Variants in PTPRQ observed in about 807,000 individuals in gnomAD.
PTPRQ encodes protein tyrosine phosphatase receptor type Q.
A neutral mutation model predicts 246.0 loss-of-function variants in PTPRQ; 199 were observed. The observed-to-expected ratio is 0.81, with a 90% CI of 0.72 to 0.91. The LOEUF (loss-of-function observed/expected upper bound fraction) is 0.91. PTPRQ is among the 40% of genes least tolerant of loss of function. PTPRQ has a pLI of 0.00. For synonymous variants in PTPRQ, 869 were observed against 853.2 expected, an observed-to-expected ratio of 1.02 and a Z score of -0.32; for missense variants, 2,624 against 2,528.4, an observed-to-expected ratio of 1.04 and a Z score of -0.81.
chr12:80,550,582 C>T (rs778552062), intron 25 of PTPRQ, among the ~76,000 whole-genome samples: 8 of 152,220 alleles, frequency 5.3e-5, no homozygotes, highest in Non-Finnish European at 1.0e-4. Context: ...TTCAACAACA[C>T]CATCTCTTTG....
chr12:80,519,828 A>C (rs1202787015), intron 17 of PTPRQ, among the ~76,000 whole-genome samples: 1 of 152,156 alleles, frequency 6.6e-6, no homozygotes, highest in East Asian at 1.9e-4. Flanking sequence ...TGGTCTTATC[A>C]GGAGAAAGTT....
At chr12:80,449,468 G>A (rs1314378204) in intron 3 of PTPRQ, among the ~76,000 whole-genome samples, 1 of 152,144 alleles carries the variant, frequency 6.6e-6, no homozygotes, top group East Asian at 1.9e-4. Flanking sequence ...TGTCCTGAAT[G>A]GTAATGCCTA....
In PTPRQ at chr12:80,508,761, A is replaced by C. The variant is rs566657797; in HGVS notation, c.2558-1562A>C. Among the ~76,000 whole-genome samples, 6 of 152,184 alleles carry C rather than the reference A, an allele frequency of 3.9e-5. 1 individual carries two copies. In the South Asian group the frequency reaches 1.2e-3, roughly 32 times the overall value. ...ACAGTGGATGTACAGTGATTTTTTT[A>C]GATAGACATGTTAATTACGTTTACT... On this transcript the variant is annotated intron_variant, in intron 16 of 44. Coordinates refer to ENST00000644991, the MANE Select transcript of PTPRQ (RefSeq NM_001145026.2).
intron 25 of PTPRQ, among the ~76,000 whole-genome samples, chr12:80,550,568 A>G (rs1232136137): frequency 6.6e-6 from 1 of 152,132 alleles, no homozygotes; most frequent in Non-Finnish European, 1.5e-5. Flanking sequence ...TGGAATAGTT[A>G]CATTTCAACA....
chr12:80,626,029 G>A lies in PTPRQ; in HGVS notation c.5686+3895G>A, dbSNP rs1438465326. ...AACATGATGAAATCTTAAACCCCAT[G>A]GCAAAGGCACTCTGTGATTGTTTTC... On this transcript the variant is annotated intron_variant, in intron 33 of 44. Transcript: ENST00000644991. 2.6e-5 allele frequency among the ~76,000 whole-genome samples: 4 copies of A among 152,102 alleles called. No homozygotes were observed. In the East Asian group the frequency reaches 7.7e-4, roughly 29 times the overall value.
intron 25 of PTPRQ, among the ~76,000 whole-genome samples, chr12:80,551,276 C>T (rs1294838871): frequency 6.6e-6 from 1 of 152,108 alleles, no homozygotes; most frequent in Non-Finnish European, 1.5e-5. Context: ...CCCCAAGCCT[C>T]ATAGTTTTAT....
At chr12:80,521,194 G>T (rs1342893359) in intron 17 of PTPRQ, among the ~76,000 whole-genome samples, 8 of 150,138 alleles carry the variant, frequency 5.3e-5, no homozygotes, top group African/African-American at 1.5e-4. Flanking sequence ...CTTTGCCCAC[G>T]TTTTGATGGG....
intron 8 of PTPRQ, among the ~76,000 whole-genome samples, chr12:80,483,277 C>CA (rs1207895717): frequency 1.4e-5 from 2 of 140,102 alleles, no homozygotes; most frequent in Non-Finnish European, 3.1e-5. Flanking sequence ...ATCGCAAGAA[C>CA]AAAAAACCAA....
chr12:80,670,466 C>T lies in PTPRQ; in HGVS notation c.6576C>T (p.Asp2192=). ...VKLVRASRAH[D]TTPMIVHCSA... The stretch of plus-strand genomic sequence containing the variant: ...TGGTTCGAGCAAGCAGGGCACATGA[C>T]ACCACACCTATGATTGTTCACTGCA... Residue 2192 remains aspartate, a synonymous_variant, in exon 42 of 45, where the codon GAC becomes GAT. Transcript: ENST00000644991. 6.4e-7 allele frequency: 1 copy of T among 1,550,842 alleles called. No homozygotes were observed. Among genetic ancestry groups the T allele is most frequent in the South Asian group, 1.2e-5 (1 of 83,902 alleles).
At chr12:80,570,778 G>T (rs1182035302) in intron 25 of PTPRQ, among the ~76,000 whole-genome samples, 3 of 152,070 alleles carry the variant, frequency 2.0e-5, no homozygotes, top group African/African-American at 4.8e-5. Flanking sequence ...GTAAGGAAGG[G>T]GTCCAGTTTC....
intron 6 of PTPRQ, chr12:80,462,057 G>C (rs530026080): frequency 7.2e-5 from 50 of 696,902 alleles, no homozygotes; most frequent in Middle Eastern, 2.3e-4. Flanking sequence ...GAAGCAGGGC[G>C]AGGCATTGCC....
At chr12:80,523,012 A>G (rs538429375) in intron 17 of PTPRQ, among the ~76,000 whole-genome samples, 1 of 152,236 alleles carries the variant, frequency 6.6e-6, no homozygotes, top group East Asian at 1.9e-4. Flanking sequence ...TTTGGTTGGT[A>G]AGCTATTAAT....
chr12:80,508,813 A>C (rs1363835420), intron 16 of PTPRQ, among the ~76,000 whole-genome samples: 1 of 152,080 alleles, frequency 6.6e-6, no homozygotes, highest in African/African-American at 2.4e-5. Context: ...TACATTAAGA[A>C]TAAAATATTC....
intron 14 of PTPRQ, among the ~76,000 whole-genome samples, chr12:80,500,743 A>G (rs1592587840): frequency 6.6e-6 from 1 of 152,110 alleles, no homozygotes; most frequent in East Asian, 1.9e-4. Flanking sequence ...ATTATGTTCT[A>G]CCACCGTACT....
At chr12:80,573,484 G>A (rs977977698) in intron 25 of PTPRQ, among the ~76,000 whole-genome samples, 4 of 151,052 alleles carry the variant, frequency 2.6e-5, no homozygotes, top group South Asian at 2.1e-4. Context: ...GTGAGACTCC[G>A]TCTTAAAAAA....
chr12:80,480,162 T>G (rs1893985630), intron 8 of PTPRQ, among the ~76,000 whole-genome samples: 3 of 152,076 alleles, frequency 2.0e-5, no homozygotes, highest in Non-Finnish European at 4.4e-5. Context: ...ACAGAAATTA[T>G]AACAAACTAT....
intron 17 of PTPRQ, among the ~76,000 whole-genome samples, chr12:80,525,688 G>T (rs1683163694): frequency 6.7e-6 from 1 of 150,236 alleles, no homozygotes; most frequent in African/African-American, 2.5e-5. Context: ...CTCTGTCTCT[G>T]TCACTCTCGG....
At chr12:80,632,108 C>T in intron 33 of PTPRQ, 84 bp from the exon 34 acceptor site, 1 of 1,459,322 alleles carries the variant, frequency 6.9e-7, no homozygotes, top group Admixed American at 2.3e-5. Flanking sequence ...TTTTCTTATG[C>T]CAAGATAATA....
At chr12:80,525,300 C>T (rs576869972) in intron 17 of PTPRQ, among the ~76,000 whole-genome samples, 3 of 152,174 alleles carry the variant, frequency 2.0e-5, no homozygotes, top group Admixed American at 1.3e-4. Context: ...TGGACTCATC[C>T]CAAATTGGCT....
Sources: allele counts gnomAD v4.1 joint callset (sites outside exome capture counted in the v4.1 genomes callset), GRCh38; gene constraint gnomAD v4.1.1; transcripts MANE v1.5; gene names NCBI Gene and HGNC (gene_info 2026-07-23, HGNC 2026-07-21).